The following ICAM5 variants were observed in gnomAD, a reference collection of about 807,000 sequenced individuals.
ICAM5 encodes intercellular adhesion molecule 5, also known as ICAM-5.
Under a neutral mutation model 78.8 loss-of-function variants are expected in ICAM5, and 38 were observed. The observed-to-expected ratio is 0.48, with a 90% CI of 0.37 to 0.63. ICAM5 has a LOEUF of 0.63. ICAM5 is among the 30% of genes least tolerant of loss of function. The pLI is 0.00. For synonymous variants in ICAM5, 544 were observed against 590.9 expected (o/e 0.92, Z 1.15); for missense variants, 1,059 against 1,303.0 (o/e 0.81, Z 2.88).
Position 10,290,196 on chromosome 19 carries a change from T to C in ICAM5, c.82+71T>C. The C allele has an allele frequency of 8.5e-7, 1 of 1,177,490 alleles. No individual in the cohort carries two copies. The highest frequency in any genetic ancestry group is 1.2e-6 in the Non-Finnish European group (1 of 862,132). 72.9% of individuals were successfully genotyped at this position (1,177,490 alleles called of 1,614,324 possible). A position where few individuals can be genotyped will look rare whatever the true frequency, so the allele number is the denominator to read the frequency against. On this transcript the variant is annotated intron_variant, in intron 1 of 10. Transcript: ENST00000221980. The surrounding 1 kb of genome is among the most constrained non-coding windows in gnomAD (Gnocchi z 5.7). ...TCCCTGGACCTGAGAAACGGCCTCC[T>C]GTCCCTCCCAGCTCTGCCCTCGCCT...
Position 10,294,435 on chromosome 19 carries a change from T to A in ICAM5, c.2025T>A (p.Ser675Arg), listed in dbSNP as rs1394189558. 1.2e-6 allele frequency: 2 copies of A among 1,611,126 alleles called. No homozygotes were observed. Among genetic ancestry groups the A allele is most frequent in the Middle Eastern group, 1.7e-4 (1 of 6,038 alleles). Residue 675 changes from serine (S) to arginine (R), a missense_variant, in exon 9 of 11, where the codon AGT becomes AGA. Around this residue, in one of 3 missense-constraint regions of ICAM5, gnomAD observed 815 missense variants for 952.8 expected, o/e 0.86. Transcript: ENST00000221980. The surrounding 1 kb of genome is among the most constrained non-coding windows in gnomAD (Gnocchi z 7.7). ...PPEMDESTCP[S>R]HQTWLEGAEA... ...AGATGGATGAATCTACCTGCCCAAG[T>A]CACCAGACGTGGCTGGAAGGGGCTG...
At chr19:10,291,899 G>T in intron 3 of ICAM5, 90 bp downstream of exon 3, 3 of 1,497,344 alleles carry the variant, frequency 2.0e-6, no homozygotes, top group South Asian at 2.4e-5. Flanking sequence ...TGCTGACCCC[G>T]ACTTCAACCC....
In ICAM5 at chr19:10,293,161, C is replaced by T; in HGVS notation, c.1380C>T (p.Val460=). 6.2e-7 allele frequency: 1 copy of T among 1,611,456 alleles called. No individual in the cohort carries two copies. The highest frequency in any genetic ancestry group is 8.5e-7 in the Non-Finnish European group (1 of 1,179,130). ...TGGCTCTGGGCCTGCTGGGTCCAGT[C>T]ACTCGGGCGCTCTCAGGCACTTACC... The part of the protein sequence containing the change: ...AVLALGLLGP[V]TRALSGTYRC... The change falls in exon 6 of 11, where the codon GTC becomes GTT. Residue 460 remains valine, a synonymous_variant. Coordinates refer to ENST00000221980, the MANE Select transcript of ICAM5 (RefSeq NM_003259.4). This position sits in a 1 kb window ranked among gnomAD's most constrained non-coding sequence, Gnocchi z 5.0.
Position 10,293,929 on chromosome 19 carries a change from C to T in ICAM5, c.1697C>T (p.Ala566Val). 1 of 1,612,012 alleles carries T rather than the reference C, an allele frequency of 6.2e-7. No individual in the cohort carries two copies. ...CGGGGCTCTGCGGCCAAAAATGTGG[C>T]CGTCACGGTGGAATGTGAGTAGGGG... Reference protein sequence around the residue: ...NPRGSAAKNVAVTVEYGPRFE... With the variant: ...NPRGSAAKNVVVTVEYGPRFE... Residue 566 changes from alanine to valine, a missense_variant, in exon 7 of 11, where the codon GCC becomes GTC. By Grantham distance (64) the Ala-to-Val change is moderately conservative (BLOSUM62 0). Around this residue, in one of 3 missense-constraint regions of ICAM5, gnomAD observed 815 missense variants for 952.8 expected, o/e 0.86. Transcript: ENST00000221980. The surrounding 1 kb of genome is among the most constrained non-coding windows in gnomAD (Gnocchi z 5.0).
chr19:10,293,612 G>A lies in ICAM5; in HGVS notation c.1466-86G>A. On this transcript the variant is annotated intron_variant, in intron 6 of 10. Transcript: ENST00000221980. The surrounding 1 kb of genome is among the most constrained non-coding windows in gnomAD (Gnocchi z 5.0). ...AAGGGTTATGCAGGGACAACACTTC[G>A]TGGAAGCCTTGCCGCGCCAAGGAGG... 2.0e-6 allele frequency: 3 copies of A among 1,528,814 alleles called. No homozygotes were observed. Among genetic ancestry groups the A allele is most frequent in the Non-Finnish European group, 1.8e-6 (2 of 1,130,952 alleles). The allele number at this position is 1,528,814 out of a possible 1,614,324, so 94.7% of individuals were successfully genotyped here. A position where few individuals can be genotyped will look rare whatever the true frequency, so the allele number is the denominator to read the frequency against.
Position 10,291,301 on chromosome 19 carries a change from G to A in ICAM5, c.312G>A (p.Ala104=). ...AGCCCGTCTGCTTCTTCCGCTGCGC[G>A]CGGCGCACACTACAGGCGCGTGGGC... ...ETQPVCFFRC[A]RRTLQARGLI... is the part of the protein sequence containing the mutation. The change falls in exon 2 of 11, where the codon GCG becomes GCA. Residue 104 remains alanine, a synonymous_variant. Transcript: ENST00000221980. 1 of 1,612,446 alleles carries A rather than the reference G, an allele frequency of 6.2e-7. No individual in the cohort carries two copies. Among genetic ancestry groups the A allele is most frequent in the Non-Finnish European group, 8.5e-7 (1 of 1,179,814 alleles).
chr19:10,293,327 G>C lies in ICAM5; in HGVS notation c.1465+81G>C. The C allele has an allele frequency of 6.7e-7, 1 of 1,489,390 alleles. No individual in the cohort carries two copies. The allele number at this position is 1,489,390 out of a possible 1,614,324, so 92.3% of individuals were successfully genotyped here. A position where few individuals can be genotyped will look rare whatever the true frequency, so the allele number is the denominator to read the frequency against. ...CAGCCTCCAGGGAAGAGTAGGAGTA[G>C]GGTATGAGGTGTCCCTTTGGGTGAG... On this transcript the variant is annotated intron_variant, in intron 6 of 10. Coordinates refer to ENST00000221980, the MANE Select transcript of ICAM5 (RefSeq NM_003259.4). This position sits in a 1 kb window ranked among gnomAD's most constrained non-coding sequence, Gnocchi z 5.0.
intron 10 of ICAM5, 83 bp downstream of exon 10, chr19:10,295,695 C>G (rs2040214844): frequency 1.4e-6 from 2 of 1,417,390 alleles, no homozygotes; most frequent in Admixed American, 2.4e-5. Context: ...CCCCGCCTGC[C>G]TCCCTCTCGG....
Position 10,296,482 on chromosome 19 carries a change from G to A in ICAM5, c.2641G>A (p.Ala881Thr). 2.3e-6 allele frequency: 3 copies of A among 1,287,816 alleles called. No individual in the cohort carries two copies. The highest frequency in any genetic ancestry group is 2.3e-5 in the South Asian group (1 of 43,356). The allele number at this position is 1,287,816 out of a possible 1,614,324, so 79.8% of individuals were successfully genotyped here. A position where few individuals can be genotyped will look rare whatever the true frequency, so the allele number is the denominator to read the frequency against. Reference sequence around the variant, plus strand: ...GCAGGAGGCCGAGAGCTCAGGCGAGGCCGTGTGTCTGAACGGAGCGGGCGG... The same window carrying A: ...GCAGGAGGCCGAGAGCTCAGGCGAGACCGTGTGTCTGAACGGAGCGGGCGG... ...NVQEAESSGE[A>T]VCLNGAGGGA... The change falls in exon 11 of 11, where the codon GCC becomes ACC. Residue 881 changes from alanine to threonine, a missense_variant. Around this residue, in one of 3 missense-constraint regions of ICAM5, gnomAD observed 109 missense variants for 120.0 expected, o/e 0.91. Coordinates refer to ENST00000221980, the MANE Select transcript of ICAM5 (RefSeq NM_003259.4).
chr19:10,293,606 C>G lies in ICAM5; in HGVS notation c.1466-92C>G. The G allele has an allele frequency of 4.0e-6, 6 of 1,511,810 alleles. No individual in the cohort carries two copies. Among genetic ancestry groups the G allele is most frequent in the Non-Finnish European group, 5.4e-6 (6 of 1,117,342 alleles). 93.6% of individuals were successfully genotyped at this position (1,511,810 alleles called of 1,614,324 possible). A position where few individuals can be genotyped will look rare whatever the true frequency, so the allele number is the denominator to read the frequency against. The stretch of plus-strand genomic sequence containing the variant: ...GCGTCCAAGGGTTATGCAGGGACAA[C>G]ACTTCGTGGAAGCCTTGCCGCGCCA... On this transcript the variant is annotated intron_variant, in intron 6 of 10. Transcript: ENST00000221980. The surrounding 1 kb of genome is among the most constrained non-coding windows in gnomAD (Gnocchi z 5.0).
Position 10,293,137 on chromosome 19 carries a change from G to A in ICAM5, c.1356G>A (p.Leu452=). 6.2e-7 allele frequency: 1 copy of A among 1,610,524 alleles called. No individual in the cohort carries two copies. Among genetic ancestry groups the A allele is most frequent in the Non-Finnish European group, 8.5e-7 (1 of 1,178,626 alleles). The change falls in exon 6 of 11, where the codon CTG becomes CTA. Residue 452 remains leucine, a synonymous_variant. Coordinates refer to ENST00000221980, the MANE Select transcript of ICAM5 (RefSeq NM_003259.4). This position sits in a 1 kb window ranked among gnomAD's most constrained non-coding sequence, Gnocchi z 5.0. ...CGCGCTCCGACGGCGGGGCCGTGCTGGCTCTGGGCCTGCTGGGTCCAGTCA... is the reference window on the plus strand; with the variant it reads ...CGCGCTCCGACGGCGGGGCCGTGCTAGCTCTGGGCCTGCTGGGTCCAGTCA... ...HCARSDGGAV[L]ALGLLGPVTR...
rs1347758742 is a variant in ICAM5, at chr19:10,291,296, T to C, written c.307T>C (p.Cys103Arg). Residue 103 changes from cysteine (C) to arginine (R), a missense_variant, in exon 2 of 11, where the codon TGC becomes CGC. Cys to Arg is a radical substitution (Grantham distance 180, BLOSUM62 -3). Transcript: ENST00000221980. ...GACTCAGCCCGTCTGCTTCTTCCGC[T>C]GCGCGCGGCGCACACTACAGGCGCG... ...PETQPVCFFR[C>R]ARRTLQARGL... is the part of the protein sequence containing the mutation. 3.1e-6 allele frequency: 5 copies of C among 1,612,374 alleles called. No homozygotes were observed. Among genetic ancestry groups the C allele is most frequent in the Non-Finnish European group, 4.2e-6 (5 of 1,179,816 alleles).
At position 10,293,231 on chromosome 19, in the gene ICAM5, A is replaced by G; in HGVS notation, c.1450A>G (p.Thr484Ala). ...NDQGEAVKDV[T>A]LTVEYAPALD... ...TCAAGGCGAGGCGGTCAAGGACGTA[A>G]CGCTAACGGTGGAGTGTGAGTGGGG... Residue 484 changes from threonine to alanine, a missense_variant, in exon 6 of 11, where the codon ACG (threonine) becomes GCG (alanine). Transcript: ENST00000221980. The surrounding 1 kb of genome is among the most constrained non-coding windows in gnomAD (Gnocchi z 5.0). 6.3e-7 allele frequency: 1 copy of G among 1,587,162 alleles called. No individual in the cohort carries two copies. Among genetic ancestry groups the G allele is most frequent in the South Asian group, 1.1e-5 (1 of 87,406 alleles).
chr19:10,295,428 G>T lies in ICAM5; in HGVS notation c.2313G>T (p.Ala771=). ...PGGNFTLTCR[A]EAWPPAQISW... is the part of the protein sequence containing the mutation. ...GAAACTTCACGTTGACCTGCCGCGC[G>T]GAGGCCTGGCCTCCAGCCCAGATCA... The change falls in exon 10 of 11, where the codon GCG becomes GCT. Residue 771 remains alanine, a synonymous_variant. Transcript: ENST00000221980. 1 of 1,608,018 alleles carries T rather than the reference G, an allele frequency of 6.2e-7. No homozygotes were observed. Among genetic ancestry groups the T allele is most frequent in the South Asian group, 1.1e-5 (1 of 90,866 alleles).
Position 10,296,485 on chromosome 19 carries a change from G to T in ICAM5, c.2644G>T (p.Val882Leu). ...VQEAESSGEA[V>L]CLNGAGGGAG... is the part of the protein sequence containing the mutation. ...GGAGGCCGAGAGCTCAGGCGAGGCC[G>T]TGTGTCTGAACGGAGCGGGCGGCGG... The change falls in exon 11 of 11, where the codon GTG (valine) becomes TTG (leucine). Residue 882 changes from valine to leucine, a missense_variant. Transcript: ENST00000221980. The T allele has an allele frequency of 3.9e-6, 5 of 1,284,102 alleles. No individual in the cohort carries two copies. Among genetic ancestry groups the T allele is most frequent in the Non-Finnish European group, 5.0e-6 (5 of 997,424 alleles). 79.5% of individuals were successfully genotyped at this position (1,284,102 alleles called of 1,614,324 possible).
rs944800514 is a variant in ICAM5, at chr19:10,290,560, C to T, written c.82+435C>T. ...TGGCAACCGGGTCCCTCAGCTGTTC[C>T]CGCGGTTCCTTCCATGAGCCCAGCC... On this transcript the variant is annotated intron_variant, in intron 1 of 10. Coordinates refer to ENST00000221980, the MANE Select transcript of ICAM5 (RefSeq NM_003259.4). The surrounding 1 kb of genome is among the most constrained non-coding windows in gnomAD (Gnocchi z 5.7). 3 of 207,002 alleles carry T rather than the reference C, an allele frequency of 1.4e-5. No homozygotes were observed. The highest frequency in any genetic ancestry group is 2.9e-5 in the Non-Finnish European group (3 of 103,614). 12.8% of individuals were successfully genotyped at this position (207,002 alleles called of 1,614,324 possible).
At chr19:10,296,056 C>T (rs1455122118) in intron 10 of ICAM5, among the ~76,000 whole-genome samples, 1 of 151,994 alleles carries the variant, frequency 6.6e-6, no homozygotes, top group Admixed American at 6.5e-5. Context: ...CTGGTCCTGC[C>T]GGTCCTCATT....
Position 10,293,178 on chromosome 19 carries a change from G to T in ICAM5, c.1397G>T (p.Gly466Val). 1 of 1,610,788 alleles carries T rather than the reference G, an allele frequency of 6.2e-7. No homozygotes were observed. The highest frequency in any genetic ancestry group is 8.5e-7 in the Non-Finnish European group (1 of 1,178,888). ...GGTCCAGTCACTCGGGCGCTCTCAG[G>T]CACTTACCGCTGCAAGGCGGCCAAT... ...LLGPVTRALS[G>V]TYRCKAANDQ... The change falls in exon 6 of 11, where the codon GGC becomes GTC. Residue 466 changes from glycine (G) to valine (V), a missense_variant. Gly to Val is a moderately radical substitution (Grantham distance 109). This residue lies in a region of ICAM5 where 815 missense variants were observed against 952.8 expected (regional missense o/e 0.86). Transcript: ENST00000221980. The surrounding 1 kb of genome is among the most constrained non-coding windows in gnomAD (Gnocchi z 5.0).
chr19:10,294,082 C>T lies in ICAM5; in HGVS notation c.1754C>T (p.Thr585Ile), dbSNP rs2040200012. 6.3e-7 allele frequency: 1 copy of T among 1,589,204 alleles called. No homozygotes were observed. Among genetic ancestry groups the T allele is most frequent in the South Asian group, 1.1e-5 (1 of 88,772 alleles). The change falls in exon 8 of 11, where the codon ACA (threonine) becomes ATA (isoleucine). Residue 585 changes from threonine (T) to isoleucine (I), a missense_variant. Around this residue, in one of 3 missense-constraint regions of ICAM5, gnomAD observed 815 missense variants for 952.8 expected, o/e 0.86. Transcript: ENST00000221980. This position sits in a 1 kb window ranked among gnomAD's most constrained non-coding sequence, Gnocchi z 7.7. ...GAGCCGAGCTGCCCCAGCAATTGGA[C>T]ATGGGTGGAAGGATCTGGGCGCCTG... ...FEEPSCPSNW[T>I]WVEGSGRLFS...
Sources: gnomAD v4.1 joint callset for allele counts (sites outside exome capture counted in the v4.1 genomes callset) on GRCh38, gnomAD v4.1.1 for gene constraint, gnomAD v4.1.1 regional missense constraint, Gnocchi (gnomAD v3.1) non-coding constraint, MANE v1.5 for transcripts, NCBI Gene and HGNC (gene_info 2026-07-23, HGNC 2026-07-21) for gene names.